NRG3: variants seen among roughly 807,000 people sequenced by gnomAD.
NRG3 encodes the protein pro-neuregulin-3, membrane-bound isoform.
Under a neutral mutation model 66.9 loss-of-function variants are expected in NRG3, and 31 were observed. The ratio of observed to expected loss-of-function variants is 0.46; its 90% CI spans 0.35 to 0.63. NRG3 has a LOEUF of 0.63. NRG3 is among the 20% of genes least tolerant of loss of function. NRG3 has a pLI of 0.00. For missense variants in NRG3, 910 were observed against 878.9 expected (o/e 1.04, Z -0.45); for synonymous variants, 393 against 359.4 (o/e 1.09, Z -1.06).
chr10:82,900,123 C>T (rs187165605), intron 4 of NRG3, among the ~76,000 whole-genome samples: 2 of 152,148 alleles, frequency 1.3e-5, no homozygotes, highest in African/African-American at 4.8e-5. Context: ...TGGTGTCACA[C>T]TTTTAAAAGA....
At position 82,050,375 on chromosome 10, in the gene NRG3, T is replaced by C. The variant is rs370383378; in HGVS notation, c.823+174212T>C. 2.0e-5 allele frequency among the ~76,000 whole-genome samples: 3 copies of C among 151,652 alleles called. No homozygotes were observed. The East Asian group carries it at 5.9e-4, about 30-fold the overall frequency. On this transcript the variant is annotated intron_variant, in intron 1 of 8. Coordinates refer to ENST00000372141, the MANE Select transcript of NRG3 (RefSeq NM_001010848.4). ...ATTATAAACCACAGCACATAGTGCA[T>C]TCTCAACAAATGTTGCTGTTGGGAT...
At chr10:82,129,780 C>G (rs559346326) in intron 1 of NRG3, among the ~76,000 whole-genome samples, 1 of 152,104 alleles carries the variant, frequency 6.6e-6, no homozygotes, top group South Asian at 2.1e-4. Context: ...AGGCTGGTCT[C>G]GAACTCCTGA....
At chr10:82,811,359 A>T (rs2061486623) in intron 3 of NRG3, among the ~76,000 whole-genome samples, 1 of 152,234 alleles carries the variant, frequency 6.6e-6, no homozygotes, top group Non-Finnish European at 1.5e-5. Context: ...GGGCAGAAAG[A>T]ACTTGTATGT....
intron 1 of NRG3, among the ~76,000 whole-genome samples, chr10:81,992,218 A>G (rs2060769861): frequency 2.6e-5 from 4 of 152,154 alleles, no homozygotes. Flanking sequence ...CTTTGAATAT[A>G]TATTTTATTT....
chr10:82,591,081 G>C (rs2133307437), intron 2 of NRG3, among the ~76,000 whole-genome samples: 2 of 152,240 alleles, frequency 1.3e-5, no homozygotes, highest in South Asian at 2.1e-4. Flanking sequence ...TGTCAGTCTT[G>C]GGGACCACAT....
chr10:82,455,466 T>C (rs1234111144), intron 2 of NRG3, among the ~76,000 whole-genome samples: 30 of 152,234 alleles, frequency 2.0e-4, no homozygotes, highest in Non-Finnish European at 2.9e-5. Flanking sequence ...GTGAAAATGG[T>C]ACCATTGTAC....
At chr10:82,778,036 T>TG (rs138667517) in intron 3 of NRG3, among the ~76,000 whole-genome samples, 1 of 152,096 alleles carries the variant, frequency 6.6e-6, no homozygotes, top group Non-Finnish European at 1.5e-5. Context: ...TCTTTTTCCC[T>TG]GGGGGGAAGG....
At chr10:82,753,266 T>C (rs1288811453) in intron 3 of NRG3, among the ~76,000 whole-genome samples, 1 of 152,104 alleles carries the variant, frequency 6.6e-6, no homozygotes, top group Non-Finnish European at 1.5e-5. Context: ...AACATCTTTT[T>C]ATATTTTAAA....
intron 1 of NRG3, among the ~76,000 whole-genome samples, chr10:81,935,312 A>G (rs554793566): frequency 6.6e-6 from 1 of 152,296 alleles, no homozygotes; most frequent in Non-Finnish European, 1.5e-5. Flanking sequence ...GGAAAAAATA[A>G]CTCAATGGAG....
chr10:82,467,216 C>T (rs1168779289), intron 2 of NRG3, among the ~76,000 whole-genome samples: 3 of 152,218 alleles, frequency 2.0e-5, no homozygotes, highest in African/African-American at 7.2e-5. Context: ...ATTGTACTCA[C>T]TAAATATTAG....
chr10:82,682,049 G>A (rs1441479328), intron 2 of NRG3, among the ~76,000 whole-genome samples: 2 of 152,226 alleles, frequency 1.3e-5, no homozygotes, highest in African/African-American at 4.8e-5. Flanking sequence ...TAGCTCTCAA[G>A]AGGCTGCTCT....
chr10:81,936,460 A>G (rs548483268), intron 1 of NRG3, among the ~76,000 whole-genome samples: 1 of 152,178 alleles, frequency 6.6e-6, no homozygotes, highest in Non-Finnish European at 1.5e-5. Context: ...TTATGACTGT[A>G]TTCTGATAAC....
At position 82,150,655 on chromosome 10, in the gene NRG3, C is replaced by T. The variant is rs997844904; in HGVS notation, c.824-208084C>T. Among the ~76,000 whole-genome samples, 21 of 151,512 alleles carry T rather than the reference C, an allele frequency of 1.4e-4. No individual in the cohort carries two copies. In the South Asian group the frequency reaches 2.5e-3, roughly 18 times the overall value. On this transcript the variant is annotated intron_variant, in intron 1 of 8. Coordinates refer to ENST00000372141, the MANE Select transcript of NRG3 (RefSeq NM_001010848.4). ...GGTTGACTCTTGTAAACTGCAAGAA[C>T]GGACACCACAAACTCCAGAGCAGAG...
chr10:82,791,255 C>T (rs1284259789), intron 3 of NRG3, among the ~76,000 whole-genome samples: 1 of 151,198 alleles, frequency 6.6e-6, no homozygotes, highest in African/African-American at 2.4e-5. Flanking sequence ...TCAGATTCAC[C>T]TCCACTTGCC....
At chr10:82,728,422 G>A (rs564153707) in intron 2 of NRG3, among the ~76,000 whole-genome samples, 26 of 152,258 alleles carry the variant, frequency 1.7e-4, no homozygotes, top group Non-Finnish European at 1.8e-4. Context: ...CACAAGATCC[G>A]ATGGTTTAAA....
chr10:82,985,059 G>A (rs1853317531), intron 8 of NRG3, 39 bp from the exon 9 acceptor site: 3 of 1,595,068 alleles, frequency 1.9e-6, no homozygotes, highest in Non-Finnish European at 2.6e-6. Flanking sequence ...ACAAAGCCTG[G>A]TAGAAAGCAG....
intron 2 of NRG3, among the ~76,000 whole-genome samples, chr10:82,649,420 A>G (rs1230844935): frequency 6.7e-6 from 1 of 149,650 alleles, no homozygotes; most frequent in African/African-American, 2.5e-5. Context: ...TGGAACAAAC[A>G]GTAAATTCTC....
At chr10:82,961,664 C>G (rs1377485930) in intron 6 of NRG3, among the ~76,000 whole-genome samples, 1 of 152,194 alleles carries the variant, frequency 6.6e-6, no homozygotes, top group African/African-American at 2.4e-5. Context: ...GTCATTGGCG[C>G]TGATGAACAT....
chr10:81,946,139 C>G (rs914942308), intron 1 of NRG3, among the ~76,000 whole-genome samples: 1 of 152,056 alleles, frequency 6.6e-6, no homozygotes, highest in African/African-American at 2.4e-5. Flanking sequence ...GCCTCAGCCT[C>G]CTGAGTAGCT....
Sources: gnomAD v4.1 joint callset for allele counts (sites outside exome capture counted in the v4.1 genomes callset) on GRCh38, gnomAD v4.1.1 for gene constraint, MANE v1.5 for transcripts, NCBI Gene and HGNC (gene_info 2026-07-23, HGNC 2026-07-21) for gene names.